The following PACRGL variants were observed in gnomAD, a reference collection of about 807,000 sequenced individuals.
PACRGL encodes the protein PACRG-like protein.
A neutral mutation model predicts 34.5 loss-of-function variants in PACRGL; 38 were observed. That is an observed-to-expected ratio of 1.10 (90% confidence interval 0.85 to 1.44). The LOEUF (loss-of-function observed/expected upper bound fraction) is 1.44. PACRGL is among the 40% of genes most tolerant of loss of function. The pLI is 0.00. For synonymous variants in PACRGL, 128 were observed against 100.1 expected (o/e 1.28, Z -1.66); for missense variants, 305 against 281.4 (o/e 1.08, Z -0.60).
At chr4:20,707,719 C>A in intron 3 of PACRGL, 84 bp from the exon 4 acceptor site, 1 of 1,092,160 alleles carries the variant, frequency 9.2e-7, no homozygotes, top group Non-Finnish European at 1.4e-6. Flanking sequence ...TCGATACCAG[C>A]TTGGCGGTTT....
the PACRGL span, among the ~76,000 whole-genome samples, chr4:20,760,312 G>A: frequency 6.6e-6 from 1 of 152,122 alleles, no homozygotes; most frequent in African/African-American, 2.4e-5. Flanking sequence ...CAACAGACCT[G>A]ACTTTAGACA....
chr4:20,704,369 C>G, intron 1 of PACRGL, 97 bp from the exon 2 acceptor site: 1 of 1,099,812 alleles, frequency 9.1e-7, no homozygotes, highest in Non-Finnish European at 1.3e-6. Context: ...GTGTCTTTTA[C>G]TGTATTGTAT....
the PACRGL span, chr4:20,758,819 A>G: frequency 4.3e-6 from 7 of 1,609,636 alleles, no homozygotes; most frequent in Non-Finnish European, 6.0e-6. Context: ...ATTTGTACTT[A>G]CCTCCCTGTG....
chr4:20,711,313 G>A (rs774618890), intron 5 of PACRGL, among the ~76,000 whole-genome samples: 8 of 152,138 alleles, frequency 5.3e-5, no homozygotes, highest in Non-Finnish European at 1.2e-4. Flanking sequence ...TTGTCCAAAT[G>A]TCAATGCTTT....
In PACRGL at chr4:20,729,143, A is replaced by G. The variant is rs1052441961; in HGVS notation, c.*1802A>G. On this transcript the variant is annotated 3_prime_UTR_variant, in exon 9 of 9. Coordinates refer to ENST00000503585, the MANE Select transcript of PACRGL (RefSeq NM_001258345.3). ...TGTCCCTGAATGGCTTGTAATATAA[A>G]TAAACATGCTGTAAGGAAGTCAGGG... The G allele has an allele frequency of 6.6e-6, 1 of 152,584 alleles. No individual in the cohort carries two copies. Among genetic ancestry groups the G allele is most frequent in the Non-Finnish European group, 1.5e-5 (1 of 68,022 alleles). The allele number at this position is 152,584 out of a possible 1,614,324, so 9.5% of individuals were successfully genotyped here. A position where few individuals can be genotyped will look rare whatever the true frequency, so the allele number is the denominator to read the frequency against.
intron 8 of PACRGL, among the ~76,000 whole-genome samples, chr4:20,752,122 G>A (rs373596331): frequency 1.4e-5 from 2 of 140,452 alleles, no homozygotes; most frequent in South Asian, 2.5e-4. Context: ...GCAATGGCAC[G>A]ATCTCGGGTC....
At chr4:20,738,223 T>C (rs772112681) in intron 8 of PACRGL, among the ~76,000 whole-genome samples, 4 of 152,202 alleles carry the variant, frequency 2.6e-5, no homozygotes, top group South Asian at 2.1e-4. Flanking sequence ...CTGAGCAGTT[T>C]TGAAAGGCTA....
At chr4:20,721,943 C>G (rs1028536150) in intron 7 of PACRGL, among the ~76,000 whole-genome samples, 12 of 152,246 alleles carry the variant, frequency 7.9e-5, no homozygotes, top group Non-Finnish European at 1.6e-4. Flanking sequence ...CAGAGGCAGG[C>G]AGGCCTCCTT....
At chr4:20,713,204 T>A (rs552747222) in intron 6 of PACRGL, 3 of 569,388 alleles carry the variant, frequency 5.3e-6, no homozygotes, top group Admixed American at 6.7e-5. Flanking sequence ...ATGCTACATA[T>A]ATTTTAGTTA....
chr4:20,765,291 GAAAA>G, the PACRGL span, among the ~76,000 whole-genome samples: 1 of 152,100 alleles, frequency 6.6e-6, no homozygotes, highest in African/African-American at 2.4e-5. Context: ...TATTAGGACT[GAAAA>G]CATAGTCTCC....
intron 4 of PACRGL, among the ~76,000 whole-genome samples, 198 bp downstream of exon 4, chr4:20,708,068 G>GT (rs1735372789): frequency 6.6e-6 from 1 of 152,158 alleles, no homozygotes; most frequent in Non-Finnish European, 1.5e-5. Flanking sequence ...CCAAAATACA[G>GT]TTATTGGGAT....
chr4:20,723,438 T>G (rs61342788), intron 7 of PACRGL, among the ~76,000 whole-genome samples: 3,212 of 144,388 alleles, frequency 0.022, 105 homozygotes, highest in African/African-American at 0.076. Flanking sequence ...TGTTTTTTTG[T>G]TTTTGTTTTT....
At position 20,730,177 on chromosome 4, in the gene PACRGL, A is replaced by AAAAGT. The variant is rs769494876; in HGVS notation, c.*2838_*2842dup. ...GATTAAATTCAGCATATCTGCAAGG[A>AAAAGT]AAAGTACACTATTTTGCCCCTGAGT... On this transcript the variant is annotated 3_prime_UTR_variant, in exon 9 of 9. Coordinates refer to ENST00000503585, the MANE Select transcript of PACRGL (RefSeq NM_001258345.3). 78 of 1,568,526 alleles carry AAAAGT rather than the reference A, an allele frequency of 5.0e-5. No homozygotes were observed. The highest frequency in any genetic ancestry group is 1.7e-4 in the Middle Eastern group (1 of 5,856).
chr4:20,712,160 C>T (rs1737567851), intron 5 of PACRGL, among the ~76,000 whole-genome samples: 1 of 151,572 alleles, frequency 6.6e-6, no homozygotes, highest in African/African-American at 2.4e-5. Context: ...CCTTCCATTT[C>T]CTGCTTTTTC....
intron 7 of PACRGL, among the ~76,000 whole-genome samples, chr4:20,722,747 C>T (rs531535450): frequency 7.9e-5 from 12 of 152,198 alleles, no homozygotes; most frequent in African/African-American, 1.9e-4. Flanking sequence ...ATACCCTATC[C>T]AGGAGGACAT....
downstream of PACRGL, among the ~76,000 whole-genome samples, chr4:20,753,687 A>G (rs1372545014): frequency 1.3e-5 from 2 of 152,204 alleles, no homozygotes; most frequent in Non-Finnish European, 2.9e-5. Context: ...ACAAGTTCAT[A>G]TGTGTGAATA....
chr4:20,722,191 G>T (rs533761422), intron 7 of PACRGL, among the ~76,000 whole-genome samples: 1 of 152,358 alleles, frequency 6.6e-6, no homozygotes, highest in East Asian at 1.9e-4. Flanking sequence ...GTATTAAGTT[G>T]GGAGTGACTC....
intron 8 of PACRGL, chr4:20,749,807 C>T (rs949696688): frequency 1.1e-6 from 1 of 934,150 alleles, no homozygotes; most frequent in Non-Finnish European, 1.7e-6. Flanking sequence ...GCAGTCCAAG[C>T]TTCCTTTGAT....
intron 7 of PACRGL, chr4:20,718,679 T>C (rs1324524415): frequency 6.6e-6 from 1 of 152,028 alleles, no homozygotes; most frequent in Admixed American, 6.6e-5. Context: ...GGATGAAGCT[T>C]ATTCACTTGG....
Sources: allele counts gnomAD v4.1 joint callset (sites outside exome capture counted in the v4.1 genomes callset), GRCh38; gene constraint gnomAD v4.1.1; transcripts MANE v1.5; gene names NCBI Gene and HGNC (gene_info 2026-07-23, HGNC 2026-07-21).